Variants in SUPT3H observed in about 807,000 individuals in gnomAD.
SUPT3H encodes transcription initiation protein SPT3 homolog.
A neutral mutation model predicts 44.3 loss-of-function variants in SUPT3H; 44 were observed. The ratio of observed to expected loss-of-function variants is 0.99; its 90% confidence interval spans 0.78 to 1.28. The LOEUF (loss-of-function observed/expected upper bound fraction) is 1.28, where lower values mean the gene tolerates loss of function less well. Ranked by LOEUF, SUPT3H falls within the 50% of genes most tolerant of loss-of-function variation. The pLI is 0.00. For missense variants in SUPT3H, 380 were observed against 387.1 expected, an observed-to-expected ratio of 0.98 and a Z score of 0.15; for synonymous variants, 124 against 125.6, an observed-to-expected ratio of 0.99 and a Z score of 0.09.
rs375160471 is a variant in SUPT3H at position 45,362,054 on chromosome 6, A to AAAC, written c.101+3144_101+3146dup. Among the ~76,000 whole-genome samples, 280 of 152,050 alleles carry AAAC rather than the reference A, an allele frequency of 1.8e-3. 1 individual carries two copies. The highest frequency in any genetic ancestry group is 0.014 in the East Asian group (73 of 5,184). On this transcript the variant is annotated intron_variant, in intron 2 of 10. Transcript: ENST00000371459. ...GGCAACAAAGCTAGATTCCTCTCAA[A>AAAC]AACAACAACAACAACAACAACAACA...
chr6:44,887,986 A>C (rs1037017121), intron 10 of SUPT3H, among the ~76,000 whole-genome samples: 12 of 152,324 alleles, frequency 7.9e-5, no homozygotes, highest in South Asian at 2.1e-4. Context: ...GAATACTACA[A>C]ACACCTCTAC....
intron 6 of SUPT3H, among the ~76,000 whole-genome samples, chr6:44,979,235 G>T (rs370080731): frequency 1.1e-4 from 17 of 152,144 alleles, no homozygotes; most frequent in African/African-American, 4.1e-4. Context: ...GTCGCAGAAC[G>T]AATATTTTGA....
In SUPT3H at chr6:45,082,982, A is replaced by T. The variant is rs1437535228; in HGVS notation, c.186+22940T>A. 2.6e-5 allele frequency among the ~76,000 whole-genome samples: 4 copies of T among 152,062 alleles called. No individual in the cohort carries two copies. In the East Asian group the frequency reaches 7.7e-4, roughly 29 times the overall value. On this transcript the variant is annotated intron_variant, in intron 3 of 10. Coordinates refer to ENST00000371459, the MANE Select transcript of SUPT3H (RefSeq NM_003599.4). The stretch of plus-strand genomic sequence containing the variant: ...AGTAGCACTTCCATACATTTATAAC[A>T]TTTTAGCTGAAAGCCAAATCAAGAA...
intron 4 of SUPT3H, among the ~76,000 whole-genome samples, chr6:45,017,726 C>A (rs1303334877): frequency 1.4e-5 from 2 of 146,098 alleles, no homozygotes; most frequent in Non-Finnish European, 3.0e-5. Context: ...GGTACCAGTA[C>A]CATGCTGTTT....
chr6:45,272,611 G>A (rs2153662567), intron 2 of SUPT3H, among the ~76,000 whole-genome samples: 1 of 152,292 alleles, frequency 6.6e-6, no homozygotes, highest in Middle Eastern at 3.4e-3. Context: ...AGAAAAAGAA[G>A]TCAGAAGAAG....
intron 2 of SUPT3H, among the ~76,000 whole-genome samples, chr6:45,167,495 T>C (rs568515198): frequency 2.7e-4 from 41 of 152,314 alleles, no homozygotes; most frequent in African/African-American, 9.1e-4. Context: ...GTAAGGCCAA[T>C]TGAAGGCCAA....
intron 2 of SUPT3H, among the ~76,000 whole-genome samples, chr6:45,204,454 C>T (rs1027517112): frequency 6.6e-6 from 1 of 152,044 alleles, no homozygotes; most frequent in Non-Finnish European, 1.5e-5. Flanking sequence ...CTACGAGGAA[C>T]ACTTATAAAG....
chr6:45,215,017 C>A (rs1372708962), intron 2 of SUPT3H, among the ~76,000 whole-genome samples: 1 of 152,080 alleles, frequency 6.6e-6, no homozygotes, highest in Non-Finnish European at 1.5e-5. Flanking sequence ...GAAAGCTGCA[C>A]GACAGCAACA....
At chr6:45,324,632 G>GAGAGAGAGATAGT in intron 2 of SUPT3H, among the ~76,000 whole-genome samples, 1 of 151,716 alleles carries the variant, frequency 6.6e-6, no homozygotes, top group African/African-American at 2.4e-5. Context: ...AGAGAGATAG[G>GAGAGAGAGATAGT]GAGAGGGAGG....
At chr6:44,895,953 G>A (rs1217310568) in intron 10 of SUPT3H, among the ~76,000 whole-genome samples, 2 of 151,850 alleles carry the variant, frequency 1.3e-5, no homozygotes, top group Admixed American at 6.6e-5. Flanking sequence ...ACCTTCCTAG[G>A]TAGTGATGCC....
chr6:44,862,677 CAAAAA>C (rs3997535), intron 10 of SUPT3H, among the ~76,000 whole-genome samples: 1 of 138,698 alleles, frequency 7.2e-6, no homozygotes, highest in Admixed American at 7.2e-5. Flanking sequence ...AACTCTGTAT[CAAAAA>C]AAAAAAAAAT....
intron 2 of SUPT3H, among the ~76,000 whole-genome samples, chr6:45,360,303 G>A (rs1794029201): frequency 6.6e-6 from 1 of 152,140 alleles, no homozygotes; most frequent in Non-Finnish European, 1.5e-5. Context: ...AATGGCATAT[G>A]GAAGTACTCA....
chr6:44,813,706 TA>T (rs202023222), intron 11 of SUPT3H, among the ~76,000 whole-genome samples: 3 of 139,510 alleles, frequency 2.2e-5, no homozygotes, highest in Non-Finnish European at 3.1e-5. Flanking sequence ...ATTAAAAAAA[TA>T]AAAAAAATTT....
chr6:44,946,362 G>C (rs1773343029), intron 9 of SUPT3H, among the ~76,000 whole-genome samples: 1 of 152,154 alleles, frequency 6.6e-6, no homozygotes, highest in Admixed American at 6.5e-5. Flanking sequence ...GACTATTGCT[G>C]CCATAGATAG....
chr6:45,069,364 A>G (rs551022176), intron 3 of SUPT3H, among the ~76,000 whole-genome samples: 5 of 152,296 alleles, frequency 3.3e-5, no homozygotes, highest in African/African-American at 1.2e-4. Flanking sequence ...GGGAGGACAC[A>G]AGAGGGACTA....
chr6:45,241,352 C>A (rs147179621), intron 2 of SUPT3H, among the ~76,000 whole-genome samples: 1 of 152,266 alleles, frequency 6.6e-6, no homozygotes, highest in East Asian at 1.9e-4. Flanking sequence ...ACCTGGCCCA[C>A]CCAGGGCAGA....
intron 3 of SUPT3H, among the ~76,000 whole-genome samples, chr6:45,041,930 G>A (rs1022357070): frequency 4.6e-5 from 7 of 152,124 alleles, no homozygotes; most frequent in African/African-American, 9.7e-5. Context: ...ACCATGGTAC[G>A]CAGGCCTCCA....
intron 10 of SUPT3H, among the ~76,000 whole-genome samples, chr6:44,840,329 G>C (rs1003200359): frequency 1.3e-5 from 2 of 152,168 alleles, no homozygotes; most frequent in Non-Finnish European, 2.9e-5. Flanking sequence ...TTGGTGGTGG[G>C]AGTGACTGGG....
At chr6:45,048,344 A>C (rs1789754533) in intron 3 of SUPT3H, among the ~76,000 whole-genome samples, 1 of 151,110 alleles carries the variant, frequency 6.6e-6, no homozygotes. Context: ...TGCCCAGATC[A>C]ATGTCATGGA....
Sources: gnomAD v4.1 joint callset for allele counts (sites outside exome capture counted in the v4.1 genomes callset) on GRCh38, gnomAD v4.1.1 for gene constraint, MANE v1.5 for transcripts, NCBI Gene and HGNC (gene_info 2026-07-23, HGNC 2026-07-21) for gene names.